The following APMAP variants were observed in gnomAD, a reference collection of about 807,000 sequenced individuals.
The protein encoded by APMAP is adipocyte plasma membrane-associated protein.
APMAP carries 33 observed loss-of-function variants against 43.6 expected under a neutral mutation model. The observed-to-expected ratio is 0.76, with a 90% CI of 0.57 to 1.01. The LOEUF (loss-of-function observed/expected upper bound fraction) is 1.01, where lower values mean the gene tolerates loss of function less well. Among genes scored for constraint, APMAP ranks in the 50% least tolerant of loss-of-function variants. The probability of loss-of-function intolerance (pLI) is 0.00; values close to 1 mark genes in which losing one functional copy is unlikely to be tolerated. For synonymous variants in APMAP, 224 were observed against 216.7 expected (o/e 1.03, Z -0.30); for missense variants, 498 against 540.7 (o/e 0.92, Z 0.78).
At position 24,978,829 on chromosome 20, in the gene APMAP, C is replaced by G; in HGVS notation, c.266G>C (p.Arg89Pro). ...ATTTTCAAACAGCCTTTCTGCCTGT[C>G]GCAGCTTCGTATTTGGATGCAGAAC... ...LGVLHPNTKL[R>P]QAERLFENQL... The change falls in exon 3 of 9, where the codon CGA becomes CCA. Residue 89 changes from arginine (R) to proline (P), a missense_variant. Coordinates refer to ENST00000217456, the MANE Select transcript of APMAP (RefSeq NM_020531.3). 1.2e-6 allele frequency: 2 copies of G among 1,609,340 alleles called. No homozygotes were observed. Among genetic ancestry groups the G allele is most frequent in the Non-Finnish European group, 1.7e-6 (2 of 1,177,162 alleles).
intron 1 of APMAP, among the ~76,000 whole-genome samples, chr20:24,985,411 C>T (rs1419149163): frequency 6.6e-6 from 1 of 152,182 alleles, no homozygotes; most frequent in Admixed American, 6.5e-5. Context: ...TGGCTGGGTT[C>T]TGCCACCAAC....
At position 24,970,053 on chromosome 20, in the gene APMAP, T is replaced by A. The variant is rs2087985298; in HGVS notation, c.713+144A>T. On this transcript the variant is annotated intron_variant, in intron 6 of 8. Transcript: ENST00000217456. ...CATTTTGTGACATCCATCACCTGCCTCCAGAAGCCACTAAGGTCCTGTCCT... is the reference window on the plus strand; with the variant it reads ...CATTTTGTGACATCCATCACCTGCCACCAGAAGCCACTAAGGTCCTGTCCT... The A allele has an allele frequency of 2.1e-5, 22 of 1,033,130 alleles. No individual in the cohort carries two copies. In the South Asian group the frequency reaches 3.1e-4, roughly 14 times the overall value. The allele number at this position is 1,033,130 out of a possible 1,614,324, so 64.0% of individuals were successfully genotyped here. A position where few individuals can be genotyped will look rare whatever the true frequency, so the allele number is the denominator to read the frequency against.
chr20:24,979,282 C>G (rs1283444596), intron 2 of APMAP, among the ~76,000 whole-genome samples: 2 of 152,202 alleles, frequency 1.3e-5, no homozygotes, highest in Non-Finnish European at 2.9e-5. Context: ...CGTTTCACAC[C>G]TGATGACCCG....
chr20:24,982,138 G>T (rs866225532), intron 2 of APMAP, among the ~76,000 whole-genome samples: 1 of 151,936 alleles, frequency 6.6e-6, no homozygotes. Flanking sequence ...CAGGAGAGAG[G>T]TCCCTGTTGG....
intron 5 of APMAP, 107 bp downstream of exon 5, chr20:24,971,351 CAG>C: frequency 1.0e-6 from 1 of 980,006 alleles, no homozygotes. Flanking sequence ...TAAGAAATAT[CAG>C]AGTCTTTAGT....
In APMAP at chr20:24,980,187, C is replaced by T. The variant is rs565617920; in HGVS notation, c.213-1305G>A. On this transcript the variant is annotated intron_variant, in intron 2 of 8. Coordinates refer to ENST00000217456, the MANE Select transcript of APMAP (RefSeq NM_020531.3). The stretch of plus-strand genomic sequence containing the variant: ...AACATGGCACACAGAAGGCTCCCAA[C>T]GAGCACTGCTGGAGGAAACCAAAGT... Among the ~76,000 whole-genome samples the T allele has an allele frequency of 3.2e-4, 48 of 152,340 alleles. 1 individual carries two copies. The South Asian group carries it at 8.9e-3, about 28-fold the overall frequency.
chr20:24,991,861 T>C (rs1396906851), intron 1 of APMAP, among the ~76,000 whole-genome samples: 2 of 152,206 alleles, frequency 1.3e-5, no homozygotes, highest in Non-Finnish European at 2.9e-5. Context: ...ACAGCATTCT[T>C]ATATTCTGAA....
At position 24,978,791 on chromosome 20, in the gene APMAP, G is replaced by C; in HGVS notation, c.304C>G (p.Pro102Ala). ...CCCCCAATATGTGCTATGGACTCCG[G>C]TCCAACAAGTTGATTTTCAAACAGC... is the stretch of plus-strand genomic sequence containing the variant. ...ERLFENQLVG[P>A]ESIAHIGDVM... Residue 102 changes from proline (P) to alanine (A), a missense_variant, in exon 3 of 9, where the codon CCG (proline) becomes GCG (alanine). Pro to Ala is a conservative substitution (Grantham distance 27). Transcript: ENST00000217456. 1 of 1,607,554 alleles carries C rather than the reference G, an allele frequency of 6.2e-7. No individual in the cohort carries two copies. Among genetic ancestry groups the C allele is most frequent in the Non-Finnish European group, 8.5e-7 (1 of 1,177,614 alleles).
chr20:24,978,924 CAT>C (rs1452898614), intron 2 of APMAP, 42 bp from the exon 3 acceptor site: 9 of 1,508,850 alleles, frequency 6.0e-6, no homozygotes, highest in Admixed American at 1.7e-5. Context: ...TATAAATACA[CAT>C]GTGAAGAAAA....
At chr20:24,987,205 C>T (rs928394306) in intron 1 of APMAP, among the ~76,000 whole-genome samples, 5 of 152,152 alleles carry the variant, frequency 3.3e-5, no homozygotes, top group African/African-American at 1.2e-4. Context: ...TCACTGTTAT[C>T]TCAAATTCCT....
At chr20:24,985,983 C>T (rs765834) in intron 1 of APMAP, among the ~76,000 whole-genome samples, 112,052 of 152,038 alleles carry the variant, frequency 0.74, 41,609 homozygotes, top group East Asian at 0.99. Flanking sequence ...GGCTGAATCG[C>T]GTCCTGCAGT....
chr20:24,967,512 G>A (rs1160099217), intron 8 of APMAP, among the ~76,000 whole-genome samples: 4 of 152,182 alleles, frequency 2.6e-5, no homozygotes, highest in African/African-American at 9.7e-5. Flanking sequence ...ACTGTTGCAG[G>A]TGTGGAGGAT....
At position 24,963,642 on chromosome 20, in the gene APMAP, G is replaced by C; in HGVS notation, c.*171C>G. 2 of 675,346 alleles carry C rather than the reference G, an allele frequency of 3.0e-6. No individual in the cohort carries two copies. Among genetic ancestry groups the C allele is most frequent in the South Asian group, 3.8e-5 (2 of 53,128 alleles). The allele number at this position is 675,346 out of a possible 1,614,324, so 41.8% of individuals were successfully genotyped here. A position where few individuals can be genotyped will look rare whatever the true frequency, so the allele number is the denominator to read the frequency against. On this transcript the variant is annotated 3_prime_UTR_variant, in exon 9 of 9. Coordinates refer to ENST00000217456, the MANE Select transcript of APMAP (RefSeq NM_020531.3). ...TAAACAGAAAGACAAGCCCAGGTGG[G>C]GCCCGGGCATCCTCGAGGAATGAAG...
At chr20:24,978,600 G>A (rs1315544563) in intron 3 of APMAP, among the ~76,000 whole-genome samples, 167 bp downstream of exon 3, 1 of 152,114 alleles carries the variant, frequency 6.6e-6, no homozygotes, top group Non-Finnish European at 1.5e-5. Flanking sequence ...GAGCCACTAG[G>A]GCCTCCCATG....
In APMAP at chr20:24,969,533, T is replaced by C. The variant is rs2087979630; in HGVS notation, c.841A>G (p.Ile281Val). ...AGCTAATCCCACACACACCTTCGTA[T>C]CCTGGCCATGGTTGTTTCTGCCACC... ...VLVAETTMAR[I>V]RRVYVSGLMK... The change falls in exon 7 of 9, where the codon ATA becomes GTA. Residue 281 changes from isoleucine (I) to valine (V), a missense_variant. Coordinates refer to ENST00000217456, the MANE Select transcript of APMAP (RefSeq NM_020531.3). The C allele has an allele frequency of 6.2e-7, 1 of 1,611,712 alleles. No individual in the cohort carries two copies. The highest frequency in any genetic ancestry group is 8.5e-7 in the Non-Finnish European group (1 of 1,178,296).
intron 8 of APMAP, among the ~76,000 whole-genome samples, 191 bp downstream of exon 8, chr20:24,968,701 G>A (rs567489425): frequency 6.6e-6 from 1 of 152,206 alleles, no homozygotes; most frequent in South Asian, 2.1e-4. Flanking sequence ...CCCAGAAAAA[G>A]GAAAACCATA....
chr20:24,964,598 A>G (rs2087927999), intron 8 of APMAP, among the ~76,000 whole-genome samples: 1 of 152,032 alleles, frequency 6.6e-6, no homozygotes, highest in Non-Finnish European at 1.5e-5. Context: ...GCCTACAGGG[A>G]CGGAGGCAAA....
At position 24,992,662 on chromosome 20, in the gene APMAP, C is replaced by A. The variant is rs747552407; in HGVS notation, c.27G>T (p.Gln9His). The change falls in exon 1 of 9, where the codon CAG (glutamine) becomes CAT (histidine). Residue 9 changes from glutamine to histidine, a missense_variant. By Grantham distance (24) the Gln-to-His change is conservative. Coordinates refer to ENST00000217456, the MANE Select transcript of APMAP (RefSeq NM_020531.3). ...CGACCTGCGGCCGCAGGGGCCGGCG[C>A]TGTCGCAGCCCGTCCGCCTCGCTCA... Reference protein sequence around the residue: MSEADGLRQRRPLRPQVVT... With the variant: MSEADGLRHRRPLRPQVVT... The A allele has an allele frequency of 1.2e-5, 19 of 1,551,760 alleles. No homozygotes were observed. Among genetic ancestry groups the A allele is most frequent in the Non-Finnish European group, 1.6e-5 (18 of 1,150,940 alleles).
At chr20:24,982,831 A>ACCCCCCC in intron 2 of APMAP, among the ~76,000 whole-genome samples, 1 of 141,974 alleles carries the variant, frequency 7.0e-6, no homozygotes, top group East Asian at 2.1e-4. Context: ...ACATCAGGGG[A>ACCCCCCC]CCCCCCCCCG....
Sources: allele counts gnomAD v4.1 joint callset (sites outside exome capture counted in the v4.1 genomes callset), GRCh38; gene constraint gnomAD v4.1.1; transcripts MANE v1.5; gene names NCBI Gene and HGNC (gene_info 2026-07-23, HGNC 2026-07-21).